The following HDAC9 variants were observed in gnomAD, a reference collection of about 807,000 sequenced individuals.
HDAC9 encodes the protein histone deacetylase 9, also known as MEF-2 interacting transcription repressor (MITR) protein.
Under a neutral mutation model 139.4 loss-of-function variants are expected in HDAC9, and 41 were observed. The ratio of observed to expected loss-of-function variants is 0.29; its 90% CI spans 0.23 to 0.38. The LOEUF is 0.38. Ranked by LOEUF, HDAC9 falls within the 10% of genes least tolerant of loss-of-function variation. HDAC9 has a pLI of 1.00. For synonymous variants in HDAC9, 517 were observed against 476.2 expected, an observed-to-expected ratio of 1.09 and a Z score of -1.12; for missense variants, 1,147 against 1,297.0, an observed-to-expected ratio of 0.88 and a Z score of 1.78.
At chr7:18,771,170 C>G (rs564237264) in intron 16 of HDAC9, among the ~76,000 whole-genome samples, 1 of 152,226 alleles carries the variant, frequency 6.6e-6, no homozygotes, top group South Asian at 2.1e-4. Flanking sequence ...CAAAAAGAGG[C>G]TCTAAAAGGT....
Position 18,946,036 on chromosome 7 carries a change from C to CAAAATAAAAA in HDAC9, c.2938-8106_2938-8105insTAAAAAAAAA, listed in dbSNP as rs1563077235. 2.4e-4 allele frequency among the ~76,000 whole-genome samples: 9 copies of CAAAATAAAAA among 38,276 alleles called. 2 individuals carry two copies. The South Asian group carries it at 9.4e-3, about 40-fold the overall frequency. The allele number at this position is 38,276 out of a possible 152,430, so 25.1% of individuals were successfully genotyped here. ...TGGGTGATAGTACAAGACTCCGTCT[C>CAAAATAAAAA]AAAAAAAAAAAAAAAAAAAAAAAAA... On this transcript the variant is annotated intron_variant, in intron 23 of 25. Coordinates refer to ENST00000686413, the MANE Select transcript of HDAC9 (RefSeq NM_178425.4).
chr7:18,162,559 A>G (rs1787706655), intron 2 of HDAC9: 1 of 577,500 alleles, frequency 1.7e-6, no homozygotes. Flanking sequence ...TTTGATTTGC[A>G]TTGTAGTCTG....
In HDAC9 at chr7:18,990,009, G is replaced by A. The variant is rs534177752; in HGVS notation, c.3171-6014G>A. On this transcript the variant is annotated intron_variant, in intron 25 of 25. Transcript: ENST00000686413. ...TTGCCTTTCGTTTGAATGTCCTCCCGTAGCTCAGAGTAATTTGATCGTCTG... is the reference window on the plus strand; with the variant it reads ...TTGCCTTTCGTTTGAATGTCCTCCCATAGCTCAGAGTAATTTGATCGTCTG... Among the ~76,000 whole-genome samples, 272 of 151,738 alleles carry A rather than the reference G, an allele frequency of 1.8e-3. 1 individual carries two copies. The highest frequency in any genetic ancestry group is 6.0e-3 in the African/African-American group (247 of 41,308).
At chr7:18,639,744 C>T (rs967736175) in intron 8 of HDAC9, among the ~76,000 whole-genome samples, 5 of 151,978 alleles carry the variant, frequency 3.3e-5, no homozygotes, top group African/African-American at 9.7e-5. Context: ...GATTCAGGGA[C>T]TTGGGACCTT....
At chr7:18,643,600 C>T (rs148685052) in intron 8 of HDAC9, among the ~76,000 whole-genome samples, 41 of 152,208 alleles carry the variant, frequency 2.7e-4, no homozygotes, top group Middle Eastern at 3.4e-3. Flanking sequence ...TGCATTGTAT[C>T]AGCACATGAT....
intron 22 of HDAC9, among the ~76,000 whole-genome samples, chr7:18,912,169 G>C (rs904369627): frequency 6.6e-6 from 1 of 151,980 alleles, no homozygotes; most frequent in Non-Finnish European, 1.5e-5. Context: ...GGGTGCTCCA[G>C]TGTTGGGTAT....
At chr7:18,796,090 G>A (rs764954601) in intron 17 of HDAC9, among the ~76,000 whole-genome samples, 5 of 152,092 alleles carry the variant, frequency 3.3e-5, no homozygotes, top group African/African-American at 4.8e-5. Context: ...GGCATGTTAC[G>A]ATACCACATC....
chr7:18,179,998 AAAC>A (rs769614931), intron 2 of HDAC9, among the ~76,000 whole-genome samples: 51 of 152,270 alleles, frequency 3.3e-4, no homozygotes, highest in Non-Finnish European at 6.2e-4. Flanking sequence ...TTGAGGCCTA[AAAC>A]CATCATCTCC....
intron 16 of HDAC9, among the ~76,000 whole-genome samples, chr7:18,768,319 A>G (rs1393373176): frequency 1.3e-5 from 2 of 152,182 alleles, no homozygotes; most frequent in African/African-American, 4.8e-5. Context: ...AGAGCTTTCT[A>G]GACACTTTCA....
At chr7:18,727,797 A>G (rs547384132) in intron 13 of HDAC9, 40 bp downstream of exon 13, 1 of 1,377,450 alleles carries the variant, frequency 7.3e-7, no homozygotes, top group East Asian at 2.6e-5. Flanking sequence ...GGCAGGCTAA[A>G]TGCCCCGTTC....
chr7:18,789,290 A>G (rs796997616), intron 16 of HDAC9, among the ~76,000 whole-genome samples: 26,853 of 133,674 alleles, frequency 0.2, 2,750 homozygotes, highest in Middle Eastern at 0.32. Flanking sequence ...ATACACGCAC[A>G]CACACACACA....
chr7:18,991,977 T>A (rs574029911), intron 25 of HDAC9, among the ~76,000 whole-genome samples: 4 of 152,230 alleles, frequency 2.6e-5, no homozygotes, highest in Non-Finnish European at 5.9e-5. Context: ...AGCAACTTTT[T>A]CTAGAATCAA....
rs1305278342 is a variant in HDAC9 at position 18,516,113 on chromosome 7, T to C, written c.22+19789T>C. ...TTGGGTTGTTTTCTTCAGACAAAAATGGCTTTGCAGCTGTGATTTTATACT... is the reference window on the plus strand; with the variant it reads ...TTGGGTTGTTTTCTTCAGACAAAAACGGCTTTGCAGCTGTGATTTTATACT... On this transcript the variant is annotated intron_variant, in intron 2 of 25. Transcript: ENST00000686413. Among the ~76,000 whole-genome samples, 5 of 152,204 alleles carry C rather than the reference T, an allele frequency of 3.3e-5. No homozygotes were observed. In the East Asian group the frequency reaches 9.6e-4, roughly 29 times the overall value.
At chr7:18,968,507 T>A (rs1784031674) in intron 24 of HDAC9, among the ~76,000 whole-genome samples, 1 of 152,178 alleles carries the variant, frequency 6.6e-6, no homozygotes, top group Admixed American at 6.5e-5. Context: ...ACTGTCTTTC[T>A]TTCAGACATT....
chr7:18,605,581 T>A (rs1030473241), intron 6 of HDAC9, among the ~76,000 whole-genome samples: 1 of 152,094 alleles, frequency 6.6e-6, no homozygotes, highest in Non-Finnish European at 1.5e-5. Flanking sequence ...CAGAAAGGGA[T>A]TTTTTTCTCA....
intron 6 of HDAC9, among the ~76,000 whole-genome samples, chr7:18,599,090 C>G (rs1276411685): frequency 6.6e-6 from 1 of 152,230 alleles, no homozygotes. Context: ...ATGTTCTGTG[C>G]TCACTAGGGC....
At chr7:18,596,478 A>T (rs889241746) in intron 6 of HDAC9, among the ~76,000 whole-genome samples, 3 of 152,132 alleles carry the variant, frequency 2.0e-5, no homozygotes, top group Admixed American at 2.0e-4. Context: ...AATAACACTG[A>T]AATGTTGTCA....
chr7:18,098,669 A>G (rs768535456), intron 1 of HDAC9, among the ~76,000 whole-genome samples: 3 of 152,102 alleles, frequency 2.0e-5, no homozygotes, highest in Non-Finnish European at 2.9e-5. Flanking sequence ...CTAGATTTTC[A>G]TCTTGGAACC....
At chr7:18,373,867 GT>G (rs1240327958) in intron 1 of HDAC9, among the ~76,000 whole-genome samples, 3 of 151,592 alleles carry the variant, frequency 2.0e-5, no homozygotes, top group African/African-American at 7.3e-5. Context: ...TGTGACTCCA[GT>G]TTTTTTTGTG....
Sources: gnomAD v4.1 joint callset for allele counts (sites outside exome capture counted in the v4.1 genomes callset) on GRCh38, gnomAD v4.1.1 for gene constraint, MANE v1.5 for transcripts, NCBI Gene and HGNC (gene_info 2026-07-23, HGNC 2026-07-21) for gene names.